The following LUC7L2 variants were observed in gnomAD, a reference collection of about 807,000 sequenced individuals.
LUC7L2 encodes putative RNA-binding protein Luc7-like 2.
Under a neutral mutation model 52.8 loss-of-function variants are expected in LUC7L2, and 25 were observed. That is an observed-to-expected ratio of 0.47 (90% confidence interval 0.34 to 0.66). The LOEUF is 0.66. LUC7L2 is among the 30% of genes least tolerant of loss of function. The pLI is 0.01. For synonymous variants in LUC7L2, 144 were observed against 160.9 expected, an observed-to-expected ratio of 0.89 and a Z score of 0.80; for missense variants, 328 against 497.8, an observed-to-expected ratio of 0.66 and a Z score of 3.25.
At chr7:139,404,033 A>C (rs569526749) in intron 4 of LUC7L2, among the ~76,000 whole-genome samples, 38 of 152,358 alleles carry the variant, frequency 2.5e-4, no homozygotes, top group Non-Finnish European at 5.3e-4. Context: ...AGTTTTGGAC[A>C]ACAGTTTAGT....
intron 2 of LUC7L2, among the ~76,000 whole-genome samples, chr7:139,396,600 C>G (rs1180986862): frequency 2.0e-5 from 3 of 152,150 alleles, no homozygotes; most frequent in African/African-American, 4.8e-5. Flanking sequence ...TTTCTGTTCC[C>G]TGGCTTTTTT....
Position 139,409,597 on chromosome 7 carries a change from A to G in LUC7L2, c.722A>G (p.Gln241Arg). 1 of 1,611,566 alleles carries G rather than the reference A, an allele frequency of 6.2e-7. No individual in the cohort carries two copies. Among genetic ancestry groups the G allele is most frequent in the South Asian group, 1.1e-5 (1 of 90,722 alleles). The change falls in exon 7 of 10, where the codon CAG (glutamine) becomes CGG (arginine). Residue 241 changes from glutamine (Q) to arginine (R), a missense_variant. Gln to Arg is a conservative substitution (Grantham distance 43). This residue lies in a region of LUC7L2 where 195 missense variants were observed against 223.3 expected (regional missense o/e 0.87). Coordinates refer to ENST00000354926, the MANE Select transcript of LUC7L2 (RefSeq NM_016019.5). ...GCTGAGAAGCAGGAGAAAAGAAACC[A>G]GGAACGGCTGAAACGAAGAGAAGAG... The part of the protein sequence containing the change: ...VVAEKQEKRN[Q>R]ERLKRREERE...
intron 7 of LUC7L2, among the ~76,000 whole-genome samples, chr7:139,410,087 G>A (rs1450907158): frequency 1.3e-5 from 2 of 152,092 alleles, no homozygotes; most frequent in East Asian, 3.9e-4. Flanking sequence ...GGCGCCTGTA[G>A]TCCCAGCTGC....
chr7:139,375,398 G>A, intron 1 of LUC7L2: 1 of 985,416 alleles, frequency 1.0e-6, no homozygotes, highest in Non-Finnish European at 1.2e-6. Context: ...ACGCATTAAA[G>A]TTAACGTTTC....
At chr7:139,384,613 T>A (rs1483611407) in intron 2 of LUC7L2, among the ~76,000 whole-genome samples, 1 of 152,202 alleles carries the variant, frequency 6.6e-6, no homozygotes, top group Non-Finnish European at 1.5e-5. Context: ...ATAATTAAAA[T>A]TTTACTATTA....
chr7:139,376,194 T>G lies in LUC7L2; in HGVS notation c.156+38T>G, dbSNP rs552023468. The G allele has an allele frequency of 3.8e-6, 6 of 1,579,950 alleles. No homozygotes were observed. In the Admixed American group the frequency reaches 1.0e-4, roughly 26 times the overall value. On this transcript the variant is annotated intron_variant, in intron 2 of 9. Coordinates refer to ENST00000354926, the MANE Select transcript of LUC7L2 (RefSeq NM_016019.5). ...TAAATGTATTGTTAGATTACTGATA[T>G]GCTGCAGTAATGAACTACTTGATAA...
intron 1 of LUC7L2, chr7:139,345,636 G>A (rs950559444): frequency 1.2e-6 from 2 of 1,614,214 alleles, no homozygotes; most frequent in South Asian, 1.1e-5. Flanking sequence ...GCGCTCGGTG[G>A]AGGAGTCTGC....
intron 1 of LUC7L2, among the ~76,000 whole-genome samples, chr7:139,351,989 G>A (rs1799472031): frequency 6.6e-6 from 1 of 152,124 alleles, no homozygotes; most frequent in African/African-American, 2.4e-5. Context: ...GAGGCCAGAA[G>A]TTTGAGACCA....
At position 139,394,881 on chromosome 7, in the gene LUC7L2, T is replaced by C. The variant is rs1386045798; in HGVS notation, c.157-3718T>C. Among the ~76,000 whole-genome samples, 3 of 152,198 alleles carry C rather than the reference T, an allele frequency of 2.0e-5. No individual in the cohort carries two copies. The East Asian group carries it at 5.8e-4, about 29-fold the overall frequency. ...CAAGTCATTCTTTCTGTGCAAAGAA[T>C]GGGACTAAAACTAGATCAGTGAGTG... On this transcript the variant is annotated intron_variant, in intron 2 of 9. Coordinates refer to ENST00000354926, the MANE Select transcript of LUC7L2 (RefSeq NM_016019.5).
In LUC7L2 at chr7:139,414,870, C is replaced by T. The variant is rs192047391; in HGVS notation, c.809+2290C>T. 6.9e-5 allele frequency among the ~76,000 whole-genome samples: 10 copies of T among 144,008 alleles called. No individual in the cohort carries two copies. The East Asian group carries it at 1.8e-3, about 26-fold the overall frequency. The allele number at this position is 144,008 out of a possible 152,430, so 94.5% of individuals were successfully genotyped here. A position where few individuals can be genotyped will look rare whatever the true frequency, so the allele number is the denominator to read the frequency against. On this transcript the variant is annotated intron_variant, in intron 8 of 9. Transcript: ENST00000354926. ...AATATTTCCACTCTTTTCTCTTTTTCCACTCTACGTAATAACATCTTTTAA... is the reference window on the plus strand; with the variant it reads ...AATATTTCCACTCTTTTCTCTTTTTTCACTCTACGTAATAACATCTTTTAA...
intron 7 of LUC7L2, among the ~76,000 whole-genome samples, chr7:139,411,088 C>G (rs138723634): frequency 6.6e-6 from 1 of 152,122 alleles, no homozygotes; most frequent in Admixed American, 6.6e-5. Context: ...TTGGGAATCT[C>G]ATTTTAAGAT....
At chr7:139,374,382 C>G (rs1319720800) in intron 1 of LUC7L2, 1 of 1,541,634 alleles carries the variant, frequency 6.5e-7, no homozygotes, top group African/African-American at 1.4e-5. Flanking sequence ...CAATCTGGCC[C>G]CTTGTTTTAT....
intron 1 of LUC7L2, chr7:139,340,557 A>C (rs1045794661): frequency 3.0e-5 from 12 of 398,104 alleles, no homozygotes; most frequent in African/African-American, 2.5e-4. Context: ...TTTGTTCTCT[A>C]ACTACAACTC....
intron 2 of LUC7L2, among the ~76,000 whole-genome samples, chr7:139,397,679 C>T (rs1409357522): frequency 6.6e-6 from 1 of 152,150 alleles, no homozygotes; most frequent in African/African-American, 2.4e-5. Context: ...AATTTTTTCT[C>T]ATATTTTCCC....
Position 139,423,052 on chromosome 7 carries a change from C to G in LUC7L2, c.*712C>G. On this transcript the variant is annotated 3_prime_UTR_variant, in exon 10 of 10. Coordinates refer to ENST00000354926, the MANE Select transcript of LUC7L2 (RefSeq NM_016019.5). ...GTTCTAGGGGGTGGGGGCAGGGACT[C>G]TTTTCGTAATAAGCACTTGTTTTAT... 2.5e-6 allele frequency: 1 copy of G among 398,844 alleles called. No individual in the cohort carries two copies. Among genetic ancestry groups the G allele is most frequent in the Non-Finnish European group, 4.4e-6 (1 of 226,030 alleles). 24.7% of individuals were successfully genotyped at this position (398,844 alleles called of 1,614,324 possible).
In LUC7L2 at chr7:139,341,242, A is replaced by G. The variant is rs1798938296; in HGVS notation, c.-26+725A>G. 2.1e-6 allele frequency: 3 copies of G among 1,401,702 alleles called. No homozygotes were observed. In the South Asian group the frequency reaches 4.4e-5, roughly 21 times the overall value. The allele number at this position is 1,401,702 out of a possible 1,614,324, so 86.8% of individuals were successfully genotyped here. On this transcript the variant is annotated intron_variant, in intron 1 of 10. Coordinates refer to the LUC7L2 transcript ENST00000541170. The stretch of plus-strand genomic sequence containing the variant: ...TCGATTAATAAGGTTCGGTCAACGG[A>G]CAAGTGAGCGGTTCCACTGCTCGTC...
intron 2 of LUC7L2, among the ~76,000 whole-genome samples, chr7:139,390,802 C>T (rs147856065): frequency 0.016 from 2,467 of 151,030 alleles, 30 homozygotes; most frequent in South Asian, 0.054. Context: ...GTGATTCGCC[C>T]GTCTCGGCCT....
rs796147757 is a variant in LUC7L2, at chr7:139,392,617, C to T, written c.157-5982C>T. Reference sequence around the variant, plus strand: ...ATTTAGATGTAAAAATATTAAAAACCAAGAATAAGCTTGTGGAAGGAATTT... The same window carrying T: ...ATTTAGATGTAAAAATATTAAAAACTAAGAATAAGCTTGTGGAAGGAATTT... On this transcript the variant is annotated intron_variant, in intron 2 of 9. Transcript: ENST00000354926. 6 of 192,160 alleles carry T rather than the reference C, an allele frequency of 3.1e-5. No individual in the cohort carries two copies. In the East Asian group the frequency reaches 5.1e-4, roughly 16 times the overall value. The allele number at this position is 192,160 out of a possible 1,614,324, so 11.9% of individuals were successfully genotyped here. A position where few individuals can be genotyped will look rare whatever the true frequency, so the allele number is the denominator to read the frequency against.
chr7:139,362,822 A>G (rs975059722), intron 1 of LUC7L2, among the ~76,000 whole-genome samples: 4 of 151,620 alleles, frequency 2.6e-5, no homozygotes, highest in Admixed American at 1.3e-4. Context: ...CCTTCCTGAC[A>G]GTTTTTAATT....
Sources: gnomAD v4.1 joint callset for allele counts (sites outside exome capture counted in the v4.1 genomes callset) on GRCh38, gnomAD v4.1.1 for gene constraint, gnomAD v4.1.1 regional missense constraint, MANE v1.5 for transcripts, NCBI Gene and HGNC (gene_info 2026-07-23, HGNC 2026-07-21) for gene names.